TAF11L2: variants seen among roughly 807,000 people sequenced by gnomAD.
TAF11L2 encodes TATA-box binding protein associated factor 11 like 2.
exon 1 of TAF11L2, chr5:17,498,266 G>A: frequency 2.5e-6 from 1 of 398,564 alleles, no homozygotes; most frequent in Non-Finnish European, 4.4e-6. Flanking sequence ...TGTCTGCTGA[G>A]ATGTTCGCCA....
At chr5:17,498,501 G>T (rs536007049) in exon 1 of TAF11L2, 7 of 398,892 alleles carry the variant, frequency 1.8e-5, no homozygotes, top group African/African-American at 1.4e-4. Flanking sequence ...TGCAGAGGAG[G>T]CTCAGAGGAT....
chr5:17,498,336 T>A (rs1030101634), exon 1 of TAF11L2: 1 of 398,362 alleles, frequency 2.5e-6, no homozygotes, highest in East Asian at 3.6e-5. Context: ...AGATGGGAAC[T>A]TGGAAGAACC....
chr5:17,498,641 C>G (rs374034391), exon 1 of TAF11L2: 3 of 398,716 alleles, frequency 7.5e-6, no homozygotes, highest in South Asian at 1.3e-4. Context: ...TGTCTGAGAA[C>G]GTGGCGATTG....
chr5:17,498,746 CAAGCATTT>C, the TAF11L2 span: 1 of 398,658 alleles, frequency 2.5e-6, no homozygotes. Flanking sequence ...CACTGCAGCC[CAAGCATTT>C]AAGGGAGGCT....
chr5:17,498,254 T>A, exon 1 of TAF11L2: 1 of 397,670 alleles, frequency 2.5e-6, no homozygotes, highest in Non-Finnish European at 4.4e-6. Flanking sequence ...GGCAAACAGG[T>A]GTGTCTGCTG....
At chr5:17,498,653 C>T in exon 1 of TAF11L2, 1 of 398,786 alleles carries the variant, frequency 2.5e-6, no homozygotes, top group Non-Finnish European at 4.4e-6. Flanking sequence ...TGGCGATTGC[C>T]ATGGCTGGAA....
chr5:17,498,824 C>T (rs1419698798), exon 1 of TAF11L2: 1 of 398,640 alleles, frequency 2.5e-6, no homozygotes, highest in Non-Finnish European at 4.4e-6. Flanking sequence ...AAATCATGTT[C>T]TAGGCCCAAG....
At chr5:17,498,476 G>C (rs1434984755) in exon 1 of TAF11L2, 8 of 398,906 alleles carry the variant, frequency 2.0e-5, no homozygotes, top group Non-Finnish European at 4.4e-6. Context: ...AGAAGGAGAG[G>C]AAGCCCACTG....
At chr5:17,498,528 G>C in exon 1 of TAF11L2, 1 of 398,906 alleles carries the variant, frequency 2.5e-6, no homozygotes, top group African/African-American at 2.1e-5. Context: ...CCTGCTGTCT[G>C]CCATGTCTGA....
At chr5:17,498,800 C>T in exon 1 of TAF11L2, 1 of 398,690 alleles carries the variant, frequency 2.5e-6, no homozygotes. Flanking sequence ...TCTTCCCCAA[C>T]AGCAACTACA....
exon 1 of TAF11L2, chr5:17,498,769 G>A (rs925801480): frequency 9.5e-5 from 38 of 398,634 alleles, no homozygotes; most frequent in South Asian, 8.9e-4. Context: ...GAGGCTGTTC[G>A]CAGGTTAAAG....
At chr5:17,498,384 A>G in exon 1 of TAF11L2, 1 of 398,666 alleles carries the variant, frequency 2.5e-6, no homozygotes, top group Non-Finnish European at 4.4e-6. Flanking sequence ...TGAGGATGTC[A>G]TGGACCTCAC....
At chr5:17,498,771 A>G (rs1304174405) in exon 1 of TAF11L2, 2 of 398,706 alleles carry the variant, frequency 5.0e-6, no homozygotes, top group East Asian at 7.1e-5. Context: ...GGCTGTTCGC[A>G]GGTTAAAGCC....
the TAF11L2 span, chr5:17,498,628 C>A: frequency 5.0e-6 from 2 of 398,696 alleles, no homozygotes; most frequent in Non-Finnish European, 8.8e-6. Context: ...ACTGGCAGAT[C>A]GGTGTCTGAG....
Position 17,498,789 on chromosome 5 carries a change from C to G in TAF11L2, c.559C>G (p.Leu187Val), listed in dbSNP as rs189735983. ...TGTTCGCAGGTTAAAGCCCAAGGGC[C>G]TCTTCCCCAACAGCAACTACAAAAA... Residue 187 changes from leucine (L) to valine (V), a missense_variant, in exon 1 of 1, where the codon CTC becomes GTC. Coordinates refer to ENST00000639081, the Ensembl canonical transcript of TAF11L2. 2.9e-4 allele frequency: 114 copies of G among 398,660 alleles called. 5 individuals carry two copies. Among genetic ancestry groups the G allele is most frequent in the African/African-American group, 2.1e-3 (104 of 48,376 alleles). The allele number at this position is 398,660 out of a possible 1,614,324, so 24.7% of individuals were successfully genotyped here. A position where few individuals can be genotyped will look rare whatever the true frequency, so the allele number is the denominator to read the frequency against.
rs572733843 is a variant in TAF11L2, at chr5:17,498,518, C to A, written c.288C>A (p.Thr96=). 735 of 398,846 alleles carry A rather than the reference C, an allele frequency of 1.8e-3. 22 individuals carry two copies. Among genetic ancestry groups the A allele is most frequent in the African/African-American group, 0.014 (683 of 48,460 alleles). 24.7% of individuals were successfully genotyped at this position (398,846 alleles called of 1,614,324 possible). The change falls in exon 1 of 1, where the codon ACC becomes ACA. Residue 96 remains threonine, a synonymous_variant. Transcript: ENST00000639081. The stretch of plus-strand genomic sequence containing the variant: ...CAGAGGAGGCTCAGAGGATGACAAC[C>A]CTGCTGTCTGCCATGTCTGAGGAGC...
the TAF11L2 span, chr5:17,498,278 G>GC: frequency 2.0e-5 from 8 of 398,500 alleles, no homozygotes; most frequent in Admixed American, 4.4e-5. Context: ...TGTTCGCCAT[G>GC]CCCCGAGATC....
Position 17,498,391 on chromosome 5 carries a change from T to C in TAF11L2, c.161T>C (p.Leu54Pro), listed in dbSNP as rs1171049768. The C allele has an allele frequency of 1.0e-4, 41 of 398,618 alleles. 3 individuals carry two copies. Among genetic ancestry groups the C allele is most frequent in the African/African-American group, 8.3e-4 (40 of 48,304 alleles). 24.7% of individuals were successfully genotyped at this position (398,618 alleles called of 1,614,324 possible). ...CTCAGGAGTGAGGATGTCATGGACCTCACAGAAGGTGACAATGAGGCCTCA... is the reference window on the plus strand; with the variant it reads ...CTCAGGAGTGAGGATGTCATGGACCCCACAGAAGGTGACAATGAGGCCTCA... The change falls in exon 1 of 1, where the codon CTC becomes CCC. Residue 54 changes from leucine to proline, a missense_variant. Physicochemically the swap from Leu to Pro is moderately conservative, Grantham distance 98. Transcript: ENST00000639081.
At chr5:17,498,704 G>A (rs890476543) in exon 1 of TAF11L2, 1 of 398,610 alleles carries the variant, frequency 2.5e-6, no homozygotes, top group Admixed American at 4.4e-5. Context: ...AAGAGGCCCT[G>A]GACGTGTGTG....
Sources: allele counts gnomAD v4.1 joint callset, GRCh38; gene constraint gnomAD v4.1.1; transcripts MANE v1.5; gene names NCBI Gene and HGNC (gene_info 2026-07-23, HGNC 2026-07-21).